The following HACD2 variants were observed in gnomAD, a reference collection of about 807,000 sequenced individuals.
The protein encoded by HACD2 is very-long-chain (3R)-3-hydroxyacyl-CoA dehydratase 2.
A neutral mutation model predicts 31.0 loss-of-function variants in HACD2; 15 were observed. The observed-to-expected ratio is 0.48, with a 90% CI of 0.32 to 0.75. HACD2 has a LOEUF of 0.75. HACD2 is among the 30% of genes least tolerant of loss of function. The pLI is 0.03. For missense variants in HACD2, 283 were observed against 313.0 expected (o/e 0.90, Z 0.72); for synonymous variants, 115 against 122.2 (o/e 0.94, Z 0.39).
intron 3 of HACD2, among the ~76,000 whole-genome samples, chr3:123,560,873 G>A (rs73200043): frequency 0.18 from 27,963 of 152,156 alleles, 2,721 homozygotes; most frequent in African/African-American, 0.2. Flanking sequence ...CCACACTGCT[G>A]AAGGCTGGGC....
At chr3:123,569,961 C>T (rs568243408) in intron 2 of HACD2, among the ~76,000 whole-genome samples, 20 of 128,068 alleles carry the variant, frequency 1.6e-4, no homozygotes, top group African/African-American at 1.7e-4. Context: ...TGCACTCCAG[C>T]GTGGGCGAGA....
At chr3:123,540,513 G>A (rs144875963) in intron 3 of HACD2, among the ~76,000 whole-genome samples, 393 of 152,268 alleles carry the variant, frequency 2.6e-3, no homozygotes, top group African/African-American at 8.6e-3. Context: ...AGGGTGTCAC[G>A]TTTTGAAAAA....
chr3:123,584,793 A>AT, intron 1 of HACD2, 80 bp downstream of exon 1: 1 of 1,172,842 alleles, frequency 8.5e-7, no homozygotes, highest in Middle Eastern at 3.0e-4. Context: ...GGCCGCGCCG[A>AT]TCCTATCCGC....
intron 4 of HACD2, among the ~76,000 whole-genome samples, chr3:123,503,189 C>T (rs1231560016): frequency 6.0e-5 from 9 of 150,892 alleles, no homozygotes; most frequent in East Asian, 3.9e-4. Context: ...CGCTTGAACC[C>T]GGGAGGCGGA....
intron 3 of HACD2, among the ~76,000 whole-genome samples, chr3:123,543,037 C>T (rs1213166570): frequency 6.6e-6 from 1 of 152,120 alleles, no homozygotes; most frequent in Non-Finnish European, 1.5e-5. Context: ...AGTATTAGTG[C>T]CTGCCTGAGT....
In HACD2 at chr3:123,492,598, C is replaced by T. The variant is rs534388714; in HGVS notation, c.*2290G>A. ...GTTGAGACCCTTTTTGAAAAGGGAG[C>T]TGTGTGCTGTGTTCTCATTGCCAAA... On this transcript the variant is annotated 3_prime_UTR_variant, in exon 7 of 7. Transcript: ENST00000383657. The T allele has an allele frequency of 6.6e-6, 1 of 152,288 alleles. No homozygotes were observed. The highest frequency in any genetic ancestry group is 2.4e-5 in the African/African-American group (1 of 41,570). The allele number at this position is 152,288 out of a possible 1,614,324, so 9.4% of individuals were successfully genotyped here.
intron 4 of HACD2, among the ~76,000 whole-genome samples, chr3:123,518,379 G>T (rs2056172001): frequency 6.6e-6 from 1 of 152,168 alleles, no homozygotes; most frequent in Non-Finnish European, 1.5e-5. Context: ...GCACCCTCCA[G>T]TCACCATGCT....
intron 3 of HACD2, among the ~76,000 whole-genome samples, chr3:123,557,340 G>A (rs2056683483): frequency 6.6e-6 from 1 of 152,144 alleles, no homozygotes; most frequent in South Asian, 2.1e-4. Context: ...TGGAAAAAAT[G>A]TCTTTCACGA....
chr3:123,518,267 C>G (rs910565414), intron 4 of HACD2, among the ~76,000 whole-genome samples: 6 of 151,802 alleles, frequency 4.0e-5, no homozygotes, highest in Non-Finnish European at 8.8e-5. Flanking sequence ...TTTTAAAAAT[C>G]TAGATTTCTG....
intron 2 of HACD2, among the ~76,000 whole-genome samples, chr3:123,571,179 TTA>T (rs1430905150): frequency 6.6e-6 from 1 of 152,220 alleles, no homozygotes; most frequent in African/African-American, 2.4e-5. Flanking sequence ...AATTACTTAA[TTA>T]TTTTGAGACA....
At chr3:123,548,654 G>A (rs917017439) in intron 3 of HACD2, among the ~76,000 whole-genome samples, 1 of 151,824 alleles carries the variant, frequency 6.6e-6, no homozygotes, top group Non-Finnish European at 1.5e-5. Context: ...ATGGGGTCTC[G>A]CTTGTCACTT....
intron 4 of HACD2, among the ~76,000 whole-genome samples, chr3:123,527,958 G>T (rs1024169172): frequency 6.6e-6 from 1 of 152,180 alleles, no homozygotes; most frequent in Non-Finnish European, 1.5e-5. Context: ...CTACTGTATA[G>T]GTTTAAAATG....
chr3:123,541,385 G>A (rs575782193), intron 3 of HACD2, among the ~76,000 whole-genome samples: 46 of 152,294 alleles, frequency 3.0e-4, no homozygotes, highest in Admixed American at 9.8e-4. Context: ...ACCAGCGATC[G>A]CAGGATTTCA....
At chr3:123,576,881 A>C (rs1486079558) in intron 2 of HACD2, among the ~76,000 whole-genome samples, 1 of 152,192 alleles carries the variant, frequency 6.6e-6, no homozygotes, top group Non-Finnish European at 1.5e-5. Flanking sequence ...AAATACCCAA[A>C]ATCAATTTCC....
intron 3 of HACD2, among the ~76,000 whole-genome samples, chr3:123,557,198 A>G (rs972645686): frequency 7.2e-5 from 11 of 152,182 alleles, no homozygotes; most frequent in African/African-American, 2.7e-4. Flanking sequence ...TTCTCATAGG[A>G]GCATGAACCC....
intron 3 of HACD2, among the ~76,000 whole-genome samples, chr3:123,551,416 C>T (rs1203517185): frequency 6.6e-6 from 1 of 151,848 alleles, no homozygotes; most frequent in Non-Finnish European, 1.5e-5. Flanking sequence ...GTCAGGAGTT[C>T]GAAACCAGCC....
At chr3:123,561,807 G>C (rs1232929875) in intron 3 of HACD2, among the ~76,000 whole-genome samples, 1 of 152,042 alleles carries the variant, frequency 6.6e-6, no homozygotes, top group Non-Finnish European at 1.5e-5. Flanking sequence ...CTCAGGGTGG[G>C]TTTTGGTGTC....
At chr3:123,495,053 T>C in intron 6 of HACD2, 83 bp from the exon 7 acceptor site, 2 of 777,214 alleles carry the variant, frequency 2.6e-6, no homozygotes, top group Non-Finnish European at 4.1e-6. Flanking sequence ...TGAGGTCCTC[T>C]CTGACCCTCT....
chr3:123,502,477 T>C (rs1167822993), intron 5 of HACD2, 83 bp downstream of exon 5: 1 of 1,421,408 alleles, frequency 7.0e-7, no homozygotes, highest in Non-Finnish European at 9.6e-7. Flanking sequence ...TTTTAGAAAC[T>C]TTGAGGCAAT....
Sources: allele counts gnomAD v4.1 joint callset (sites outside exome capture counted in the v4.1 genomes callset), GRCh38; gene constraint gnomAD v4.1.1; transcripts MANE v1.5; gene names NCBI Gene and HGNC (gene_info 2026-07-23, HGNC 2026-07-21).